ZNF723: variants seen among roughly 807,000 people sequenced by gnomAD.
ZNF723 encodes the protein zinc finger protein 723, pseudogene.
ZNF723 carries 5 observed loss-of-function variants against 9.4 expected under a neutral mutation model. That is an observed-to-expected ratio of 0.53 (90% CI 0.28 to 1.12). The LOEUF is 1.12. ZNF723 is among the 50% of genes most tolerant of loss of function. The pLI is 0.10. For synonymous variants in ZNF723, 158 were observed against 168.8 expected (o/e 0.94, Z 0.49); for missense variants, 450 against 501.5 (o/e 0.90, Z 0.98).
At chr19:22,851,703 A>G (rs1221904353) in intron 3 of ZNF723, among the ~76,000 whole-genome samples, 4 of 152,250 alleles carry the variant, frequency 2.6e-5, no homozygotes, top group Non-Finnish European at 5.9e-5. Flanking sequence ...GTTAGTGGTG[A>G]TGAACTCCCT....
chr19:22,832,393 C>T lies in ZNF723; in HGVS notation c.3+11C>T. The T allele has an allele frequency of 2.2e-6, 3 of 1,379,118 alleles. No homozygotes were observed. The highest frequency in any genetic ancestry group is 3.0e-6 in the Non-Finnish European group (3 of 983,956). The allele number at this position is 1,379,118 out of a possible 1,614,324, so 85.4% of individuals were successfully genotyped here. On this transcript the variant is annotated intron_variant, in intron 1 of 3. Coordinates refer to ENST00000600766, the MANE Select transcript of ZNF723 (RefSeq NM_001349726.2). ...GGAAGCCTAGAAATGGTGAGAGTACCGGGTCCGACATCCCGAGAGAGGGGA... is the reference window on the plus strand; with the variant it reads ...GGAAGCCTAGAAATGGTGAGAGTACTGGGTCCGACATCCCGAGAGAGGGGA...
At chr19:22,856,332 T>C (rs1967479148) in intron 3 of ZNF723, among the ~76,000 whole-genome samples, 1 of 152,184 alleles carries the variant, frequency 6.6e-6, no homozygotes, top group Non-Finnish European at 1.5e-5. Flanking sequence ...TTTCATACTT[T>C]TGTTACCCTC....
intron 1 of ZNF723, among the ~76,000 whole-genome samples, chr19:22,836,405 G>C (rs1300793112): frequency 6.6e-6 from 1 of 152,140 alleles, no homozygotes; most frequent in Admixed American, 6.5e-5. Flanking sequence ...TTCTAAAGGA[G>C]TATTGCAGCA....
At position 22,857,948 on chromosome 19, in the gene ZNF723, T is replaced by C. The variant is rs1599482808; in HGVS notation, c.1057T>C (p.Ser353Pro). 1 of 1,491,504 alleles carries C rather than the reference T, an allele frequency of 6.7e-7. No homozygotes were observed. The highest frequency in any genetic ancestry group is 1.7e-4 in the Middle Eastern group (1 of 5,834). The allele number at this position is 1,491,504 out of a possible 1,614,324, so 92.4% of individuals were successfully genotyped here. A position where few individuals can be genotyped will look rare whatever the true frequency, so the allele number is the denominator to read the frequency against. Residue 353 changes from serine (S) to proline (P), a missense_variant, in exon 4 of 4, where the codon TCC becomes CCC. Ser to Pro is a moderately conservative substitution (Grantham distance 74, BLOSUM62 -1). Transcript: ENST00000600766. ...CEECGKAFSQSSHITTHKRIH... is the reference protein window; with the variant it reads ...CEECGKAFSQPSHITTHKRIH... ...AGAATGTGGCAAAGCATTCAGCCAG[T>C]CCTCACACATTACTACACATAAGAG... is the stretch of plus-strand genomic sequence containing the variant.
intron 1 of ZNF723, 80 bp downstream of exon 1, chr19:22,832,462 G>A: frequency 7.8e-7 from 1 of 1,280,496 alleles, no homozygotes; most frequent in Non-Finnish European, 1.1e-6. Context: ...GCGGGACTCA[G>A]GCCTCCCTGC....
At chr19:22,833,405 C>A (rs1475120415) in intron 1 of ZNF723, among the ~76,000 whole-genome samples, 2 of 151,972 alleles carry the variant, frequency 1.3e-5, no homozygotes, top group African/African-American at 2.4e-5. Context: ...CCCGCCTCGG[C>A]CTCCCAAAGT....
intron 1 of ZNF723, among the ~76,000 whole-genome samples, chr19:22,846,325 A>G (rs2145219985): frequency 6.6e-6 from 1 of 152,272 alleles, no homozygotes; most frequent in South Asian, 2.1e-4. Context: ...GGAAATGCTT[A>G]CTTAAACAAG....
upstream of ZNF723, among the ~76,000 whole-genome samples, chr19:22,828,922 T>A (rs1967064879): frequency 6.6e-6 from 1 of 152,032 alleles, no homozygotes; most frequent in Non-Finnish European, 1.5e-5. Context: ...CCTGTAATAC[T>A]AACACTTTGG....
At chr19:22,833,632 CAG>C (rs939673317) in intron 1 of ZNF723, among the ~76,000 whole-genome samples, 3 of 151,694 alleles carry the variant, frequency 2.0e-5, no homozygotes, top group Non-Finnish European at 2.9e-5. Context: ...TTTTTTGAAA[CAG>C]AGTCTCACTC....
the ZNF723 span, among the ~76,000 whole-genome samples, chr19:22,818,446 T>A: frequency 2.7e-4 from 41 of 152,248 alleles, no homozygotes; most frequent in Non-Finnish European, 5.1e-4. Flanking sequence ...AAGACCAAGA[T>A]AGACACACCT....
the ZNF723 span, among the ~76,000 whole-genome samples, chr19:22,817,095 T>G: frequency 6.6e-6 from 1 of 152,250 alleles, no homozygotes; most frequent in Non-Finnish European, 1.5e-5. Flanking sequence ...ATTGCGTATT[T>G]GAAAATATGG....
At position 22,857,632 on chromosome 19, in the gene ZNF723, T is replaced by C. The variant is rs527700296; in HGVS notation, c.741T>C (p.His247=). The C allele has an allele frequency of 7.8e-7, 1 of 1,282,878 alleles. No homozygotes were observed. Among genetic ancestry groups the C allele is most frequent in the East Asian group, 2.3e-5 (1 of 43,296 alleles). The allele number at this position is 1,282,878 out of a possible 1,614,324, so 79.5% of individuals were successfully genotyped here. ...ATGTGTCCTCAAGCCTTAATAATCA[T>C]AAGAGAATTCATACTGGAGAGAAAC... is the stretch of plus-strand genomic sequence containing the variant. ...AFNVSSSLNN[H]KRIHTGEKPY... is the part of the protein sequence containing the mutation. Residue 247 remains histidine, a synonymous_variant, in exon 4 of 4, where the codon CAT becomes CAC. Coordinates refer to ENST00000600766, the MANE Select transcript of ZNF723 (RefSeq NM_001349726.2).
chr19:22,815,234 C>T, the ZNF723 span, among the ~76,000 whole-genome samples: 1 of 152,118 alleles, frequency 6.6e-6, no homozygotes, highest in East Asian at 1.9e-4. Flanking sequence ...GGCTGGGATG[C>T]TCTGGCTTGC....
chr19:22,845,174 A>G (rs1485500448), intron 1 of ZNF723, among the ~76,000 whole-genome samples: 1 of 152,218 alleles, frequency 6.6e-6, no homozygotes, highest in Non-Finnish European at 1.5e-5. Flanking sequence ...ATCACATTAC[A>G]TAAAGAGGGA....
chr19:22,837,787 TAACCATGGCA>T (rs1967185894), intron 1 of ZNF723, among the ~76,000 whole-genome samples: 1 of 152,168 alleles, frequency 6.6e-6, no homozygotes, highest in African/African-American at 2.4e-5. Context: ...CTCAAAAATT[TAACCATGGCA>T]TTTTTGATCC....
chr19:22,854,039 A>G (rs576605058), intron 3 of ZNF723, among the ~76,000 whole-genome samples: 51 of 152,122 alleles, frequency 3.4e-4, no homozygotes, highest in African/African-American at 1.2e-3. Context: ...ATCTTGTTTT[A>G]TTTTTATTAC....
the ZNF723 span, among the ~76,000 whole-genome samples, chr19:22,825,962 G>T: frequency 2.0e-5 from 3 of 152,186 alleles, no homozygotes; most frequent in Admixed American, 2.0e-4. Flanking sequence ...CTAGCACCTG[G>T]GTGATGTGAC....
intron 3 of ZNF723, among the ~76,000 whole-genome samples, chr19:22,850,822 T>C (rs1337681737): frequency 2.6e-5 from 4 of 152,162 alleles, no homozygotes; most frequent in African/African-American, 9.7e-5. Context: ...ATGCCTTGCT[T>C]ATTTTTTATT....
intron 3 of ZNF723, among the ~76,000 whole-genome samples, chr19:22,851,627 A>C (rs1967396831): frequency 6.6e-6 from 1 of 152,042 alleles, no homozygotes; most frequent in South Asian, 2.1e-4. Context: ...TTGCCTCCTA[A>C]TGCTATCGGA....
Sources: allele counts gnomAD v4.1 joint callset (sites outside exome capture counted in the v4.1 genomes callset), GRCh38; gene constraint gnomAD v4.1.1; transcripts MANE v1.5; gene names NCBI Gene and HGNC (gene_info 2026-07-23, HGNC 2026-07-21).